The following C10orf143 variants were observed in gnomAD, a reference collection of about 807,000 sequenced individuals.
C10orf143 encodes chromosome 10 open reading frame 143.
intron 1 of C10orf143, among the ~76,000 whole-genome samples, chr10:130,086,779 GGAAA>G (rs1861297941): frequency 6.6e-6 from 1 of 152,152 alleles, no homozygotes; most frequent in African/African-American, 2.4e-5. Flanking sequence ...TTACTCAAAA[GGAAA>G]GCAAACAGGC....
Position 130,066,354 on chromosome 10 carries a change from A to ATT in C10orf143, c.298-1973_298-1972dup, listed in dbSNP as rs1245464072. ...AGGTGCTTGCCGCCACACCTGGCTA[A>ATT]TTTTTTTTTTTTTTTTTTTGGTAGA... On this transcript the variant is annotated intron_variant, in intron 3 of 3. Transcript: ENST00000637128. 329 of 132,932 alleles carry ATT rather than the reference A, an allele frequency of 2.5e-3. 4 individuals are homozygous for ATT. Among genetic ancestry groups the ATT allele is most frequent in the African/African-American group, 8.2e-3 (297 of 36,092 alleles). 8.2% of individuals were successfully genotyped at this position (132,932 alleles called of 1,614,324 possible). A position where few individuals can be genotyped will look rare whatever the true frequency, so the allele number is the denominator to read the frequency against.
chr10:130,079,861 C>T lies in C10orf143; in HGVS notation c.110G>A (p.Arg37His), dbSNP rs1025951328. 87 of 398,508 alleles carry T rather than the reference C, an allele frequency of 2.2e-4. No individual in the cohort carries two copies. In the East Asian group the frequency reaches 2.2e-3, roughly 10 times the overall value. The allele number at this position is 398,508 out of a possible 1,614,324, so 24.7% of individuals were successfully genotyped here. A position where few individuals can be genotyped will look rare whatever the true frequency, so the allele number is the denominator to read the frequency against. Residue 37 changes from arginine (R) to histidine (H), a missense_variant, in exon 2 of 4, where the codon CGT becomes CAT. By Grantham distance (29) the Arg-to-His change is conservative. Transcript: ENST00000637128. Reference protein sequence around the residue: ...CRRLEASGHERGCHQVNACAL... With the variant: ...CRRLEASGHEHGCHQVNACAL... ...ACAGGCATTCACCTGGTGGCAGCCA[C>T]GCTCATGCCCACTGGCTTCTAATCT...
intron 3 of C10orf143, among the ~76,000 whole-genome samples, chr10:130,046,398 C>A (rs1349191628): frequency 6.6e-6 from 1 of 152,112 alleles, no homozygotes; most frequent in Non-Finnish European, 1.5e-5. Flanking sequence ...CGGGACCCCA[C>A]ACGGAAGGCA....
intron 3 of C10orf143, among the ~76,000 whole-genome samples, chr10:130,051,071 TG>T (rs1235302480): frequency 6.6e-6 from 1 of 152,164 alleles, no homozygotes; most frequent in African/African-American, 2.4e-5. Flanking sequence ...GGTTCATGTT[TG>T]AAACACACAA....
chr10:130,062,748 A>T (rs879256363), downstream of C10orf143, among the ~76,000 whole-genome samples: 4 of 152,168 alleles, frequency 2.6e-5, no homozygotes, highest in Non-Finnish European at 4.4e-5. Context: ...TCCCCTTCAC[A>T]TATACACTTA....
At chr10:130,083,496 C>A (rs1280561117) in intron 1 of C10orf143, among the ~76,000 whole-genome samples, 2 of 152,132 alleles carry the variant, frequency 1.3e-5, no homozygotes, top group East Asian at 3.8e-4. Context: ...ACCTAAATGC[C>A]CCTACACTGG....
At chr10:130,058,401 A>C (rs1860818705) in intron 3 of C10orf143, among the ~76,000 whole-genome samples, 2 of 152,218 alleles carry the variant, frequency 1.3e-5, no homozygotes, top group Admixed American at 1.3e-4. Context: ...TAAATATGCT[A>C]ATGTAAGTCA....
At chr10:130,071,047 C>T (rs1301974586) in intron 3 of C10orf143, among the ~76,000 whole-genome samples, 1 of 152,158 alleles carries the variant, frequency 6.6e-6, no homozygotes, top group East Asian at 1.9e-4. Context: ...TCCTGAGTAG[C>T]TGGGACTACA....
At chr10:130,045,906 C>G (rs767238406) in intron 3 of C10orf143, among the ~76,000 whole-genome samples, 1 of 152,042 alleles carries the variant, frequency 6.6e-6, no homozygotes, top group African/African-American at 2.4e-5. Flanking sequence ...CTGCCACGTG[C>G]GGGGGAGAAA....
At chr10:130,059,405 T>A (rs1203126053), downstream of C10orf143, among the ~76,000 whole-genome samples, 1 of 152,054 alleles carries the variant, frequency 6.6e-6, no homozygotes, top group Non-Finnish European at 1.5e-5. Flanking sequence ...GGCCTTAATA[T>A]ATAAAGAACT....
At chr10:130,043,503 A>G (rs1253478503) in intron 3 of C10orf143, among the ~76,000 whole-genome samples, 1 of 152,120 alleles carries the variant, frequency 6.6e-6, no homozygotes, top group Non-Finnish European at 1.5e-5. Context: ...GCAGCTCAGC[A>G]ACTTTGCTCG....
rs11374857 is a variant in C10orf143, at chr10:130,075,987, G to GTTTTTT, written c.297+3578_297+3579insAAAAAA. Among the ~76,000 whole-genome samples, 10 of 133,176 alleles carry GTTTTTT rather than the reference G, an allele frequency of 7.5e-5. 1 individual carries two copies. The highest frequency in any genetic ancestry group is 2.4e-4 in the South Asian group (1 of 4,126). The allele number at this position is 133,176 out of a possible 152,430, so 87.4% of individuals were successfully genotyped here. On this transcript the variant is annotated intron_variant, in intron 3 of 3. Transcript: ENST00000637128. ...GTATGTGTGTGTTTTTTGTTTGTTT[G>GTTTTTT]TTTGTTTTTTTTTTTGGAAATGATG...
intron 3 of C10orf143, among the ~76,000 whole-genome samples, chr10:130,042,619 C>T (rs1860620029): frequency 6.6e-6 from 1 of 152,208 alleles, no homozygotes; most frequent in African/African-American, 2.4e-5. Context: ...CTGTTAACAC[C>T]ATGGGCATCT....
intron 1 of C10orf143, chr10:130,106,854 A>G (rs1372309775): frequency 1.7e-6 from 2 of 1,145,578 alleles, no homozygotes; most frequent in East Asian, 4.7e-5. Context: ...CTGACTGAAC[A>G]TTTGCTAAAG....
rs764197007 is a variant in C10orf143 at position 130,106,873 on chromosome 10, T to C, written c.69+3831A>G. 1.5e-5 allele frequency: 17 copies of C among 1,103,220 alleles called. No individual in the cohort carries two copies. In the African/African-American group the frequency reaches 2.1e-4, roughly 14 times the overall value. The allele number at this position is 1,103,220 out of a possible 1,614,324, so 68.3% of individuals were successfully genotyped here. A position where few individuals can be genotyped will look rare whatever the true frequency, so the allele number is the denominator to read the frequency against. On this transcript the variant is annotated intron_variant, in intron 1 of 3. Transcript: ENST00000637128. ...CTGAACATTTGCTAAAGATGAAAGA[T>C]TGGGCTGCTAGGCTTAGAGAAGACG... is the stretch of plus-strand genomic sequence containing the variant.
At chr10:130,100,520 A>G (rs1178818102) in intron 1 of C10orf143, among the ~76,000 whole-genome samples, 1 of 152,208 alleles carries the variant, frequency 6.6e-6, no homozygotes, top group Non-Finnish European at 1.5e-5. Context: ...CTCTGTCTCA[A>G]AAACAAAAAC....
At chr10:130,082,313 G>T (rs1861222840) in intron 1 of C10orf143, among the ~76,000 whole-genome samples, 1 of 152,028 alleles carries the variant, frequency 6.6e-6, no homozygotes, top group African/African-American at 2.4e-5. Flanking sequence ...TGCCCAGCAG[G>T]ATGGACTTTT....
At chr10:130,066,518 G>A (rs1860937789) in intron 3 of C10orf143, 1 of 152,170 alleles carries the variant, frequency 6.6e-6, no homozygotes, top group Non-Finnish European at 1.5e-5. Context: ...TAGACACAAA[G>A]GAACCTTTAG....
At chr10:130,081,923 A>G (rs557500746) in intron 1 of C10orf143, among the ~76,000 whole-genome samples, 1 of 150,132 alleles carries the variant, frequency 6.7e-6, no homozygotes, top group Non-Finnish European at 1.5e-5. Context: ...TTATAGAGTT[A>G]TACTAGTTGA....
Sources: gnomAD v4.1 joint callset for allele counts (sites outside exome capture counted in the v4.1 genomes callset) on GRCh38, gnomAD v4.1.1 for gene constraint, MANE v1.5 for transcripts, NCBI Gene and HGNC (gene_info 2026-07-23, HGNC 2026-07-21) for gene names.